C1orf53: variants seen among roughly 807,000 people sequenced by gnomAD.
The protein encoded by C1orf53 is chromosome 1 open reading frame 53.
A neutral mutation model predicts 17.5 loss-of-function variants in C1orf53; 23 were observed. The observed-to-expected ratio is 1.31, with a 90% confidence interval of 0.94 to 1.86. The LOEUF is 1.86. Ranked by LOEUF, C1orf53 falls within the 40% of genes most tolerant of loss-of-function variation. C1orf53 has a pLI of 0.00. For missense variants in C1orf53, 255 were observed against 193.2 expected (o/e 1.32, Z -1.89); for synonymous variants, 108 against 81.9 (o/e 1.32, Z -1.72).
chr1:197,905,355 C>T (rs1207723104), intron 1 of C1orf53, among the ~76,000 whole-genome samples: 6 of 152,096 alleles, frequency 3.9e-5, no homozygotes, highest in Admixed American at 3.9e-4. Flanking sequence ...TTTTGATTAG[C>T]GCCTTTTCTG....
intron 1 of C1orf53, among the ~76,000 whole-genome samples, chr1:197,904,057 T>A (rs1438998819): frequency 6.6e-6 from 1 of 152,240 alleles, no homozygotes; most frequent in Non-Finnish European, 1.5e-5. Context: ...CACATTTGTT[T>A]CATCAGTGTC....
intron 2 of C1orf53, 135 bp downstream of exon 2, chr1:197,906,032 A>G (rs1255826114): frequency 3.0e-6 from 2 of 675,680 alleles, no homozygotes; most frequent in Non-Finnish European, 5.2e-6. Flanking sequence ...TACTTTAGCC[A>G]ACGACAATGA....
rs1262890408 is a variant in C1orf53 at position 197,902,832 on chromosome 1, G to T, written c.183G>T (p.Glu61Asp). Residue 61 changes from glutamate to aspartate, a missense_variant, in exon 1 of 3, where the codon GAG becomes GAT. Coordinates refer to ENST00000367393, the MANE Select transcript of C1orf53 (RefSeq NM_001024594.3). The part of the protein sequence containing the change: ...GSAPSTPGRP[E>D]RAARPSVSEE... ...CGCCCAGCACGCCCGGTAGGCCGGA[G>T]AGAGCGGCGAGGCCTTCGGTGAGCG... 1 of 1,563,432 alleles carries T rather than the reference G, an allele frequency of 6.4e-7. No homozygotes were observed. Among genetic ancestry groups the T allele is most frequent in the Non-Finnish European group, 8.6e-7 (1 of 1,162,356 alleles).
At chr1:197,905,933 C>A in intron 2 of C1orf53, 36 bp downstream of exon 2, 1 of 1,445,734 alleles carries the variant, frequency 6.9e-7, no homozygotes, top group Non-Finnish European at 9.7e-7. Context: ...CAGCAGTTTG[C>A]GGTGCTTCTG....
Position 197,902,876 on chromosome 1 carries a change from A to T in C1orf53, c.227A>T (p.Glu76Val). The change falls in exon 1 of 3, where the codon GAG becomes GTG. Residue 76 changes from glutamate to valine, a missense_variant. By Grantham distance (121) the Glu-to-Val change is moderately radical. Transcript: ENST00000367393. ...PSVSEELTAA[E>V]RQIAELHAAA... ...GTGAGCGAAGAGTTAACCGCGGCGG[A>T]GCGACAGATCGCGGAGCTGCACGCT... The T allele has an allele frequency of 6.6e-7, 1 of 1,514,354 alleles. No homozygotes were observed. Among genetic ancestry groups the T allele is most frequent in the Non-Finnish European group, 8.8e-7 (1 of 1,136,748 alleles). The allele number at this position is 1,514,354 out of a possible 1,614,324, so 93.8% of individuals were successfully genotyped here.
intron 1 of C1orf53, chr1:197,905,590 T>C (rs1659511125): frequency 2.0e-6 from 1 of 504,802 alleles, no homozygotes; most frequent in Non-Finnish European, 3.5e-6. Flanking sequence ...TCTCAAACTG[T>C]ATATTTTCTC....
chr1:197,906,327 C>A lies in C1orf53; in HGVS notation c.366+430C>A, dbSNP rs146296413. Among the ~76,000 whole-genome samples the A allele has an allele frequency of 1.6e-4, 24 of 151,962 alleles. No homozygotes were observed. In the East Asian group the frequency reaches 4.6e-3, roughly 29 times the overall value. On this transcript the variant is annotated intron_variant, in intron 2 of 2. Transcript: ENST00000367393. ...GGTTTCCTTCAGATAATGATTTTTT[C>A]TTTTCTTCTTTCCTTCCTTCCCTCC...
At chr1:197,906,660 T>G (rs1176496221) in intron 2 of C1orf53, among the ~76,000 whole-genome samples, 2 of 152,224 alleles carry the variant, frequency 1.3e-5, no homozygotes, top group Non-Finnish European at 2.9e-5. Context: ...TAAATTGTTA[T>G]AGGGTCAAGA....
intron 1 of C1orf53, 38 bp downstream of exon 1, chr1:197,902,951 C>A (rs1011575632): frequency 1.5e-4 from 198 of 1,335,960 alleles, no homozygotes; most frequent in African/African-American, 9.2e-4. Context: ...CCGCCGCGGC[C>A]GCCCCGGGCT....
In C1orf53 at chr1:197,902,667, C is replaced by T; in HGVS notation, c.18C>T (p.Ile6=). The T allele has an allele frequency of 6.8e-7, 1 of 1,477,386 alleles. No individual in the cohort carries two copies. The highest frequency in any genetic ancestry group is 8.9e-7 in the Non-Finnish European group (1 of 1,120,350). The allele number at this position is 1,477,386 out of a possible 1,614,324, so 91.5% of individuals were successfully genotyped here. MAARQ[I]WARTGAALCR... is the part of the protein sequence containing the mutation. ...GCGGCGGCATGGCGGCCAGGCAGAT[C>T]TGGGCACGGACGGGTGCCGCGCTCT... Residue 6 remains isoleucine, a synonymous_variant, in exon 1 of 3, where the codon ATC becomes ATT. Coordinates refer to ENST00000367393, the MANE Select transcript of C1orf53 (RefSeq NM_001024594.3).
In C1orf53 at chr1:197,905,808, A is replaced by C. The variant is rs1483708440; in HGVS notation, c.277A>C (p.Asn93His). ...TATTGCACTTCAGGCTGGCCAGCTAAACTATGTGGATCCAGCTACTGGCTA... is the reference window on the plus strand; with the variant it reads ...TATTGCACTTCAGGCTGGCCAGCTACACTATGTGGATCCAGCTACTGGCTA... Reference protein sequence around the residue: ...HAAACAAGQLNYVDPATGYVV... With the variant: ...HAAACAAGQLHYVDPATGYVV... The change falls in exon 2 of 3, where the codon AAC becomes CAC. Residue 93 changes from asparagine (N) to histidine (H), a missense_variant. Physicochemically the swap from Asn to His is moderately conservative, Grantham distance 68. Transcript: ENST00000367393. 6.2e-7 allele frequency: 1 copy of C among 1,612,982 alleles called. No individual in the cohort carries two copies. Among genetic ancestry groups the C allele is most frequent in the Admixed American group, 1.7e-5 (1 of 59,904 alleles).
In C1orf53 at chr1:197,902,792, A is replaced by G; in HGVS notation, c.143A>G (p.Asn48Ser). The G allele has an allele frequency of 6.3e-7, 1 of 1,581,074 alleles. No individual in the cohort carries two copies. Among genetic ancestry groups the G allele is most frequent in the Admixed American group, 1.7e-5 (1 of 57,328 alleles). Residue 48 changes from asparagine to serine, a missense_variant, in exon 1 of 3, where the codon AAC (asparagine) becomes AGC (serine). Asn to Ser is a conservative substitution (Grantham distance 46). Coordinates refer to ENST00000367393, the MANE Select transcript of C1orf53 (RefSeq NM_001024594.3). ...SLTLCPANEG[N>S]CGGSAPSTPG... ...ACCCTCTGCCCTGCTAACGAGGGAAACTGCGGCGGCTCCGCGCCCAGCACG... is the reference window on the plus strand; with the variant it reads ...ACCCTCTGCCCTGCTAACGAGGGAAGCTGCGGCGGCTCCGCGCCCAGCACG...
intron 1 of C1orf53, 100 bp downstream of exon 1, chr1:197,903,013 A>G (rs942379141): frequency 1.8e-6 from 2 of 1,142,632 alleles, no homozygotes; most frequent in African/African-American, 3.3e-5. Context: ...CGCCCGGCAG[A>G]GGCAAAGGTT....
rs1176068285 is a variant in C1orf53 at position 197,902,855 on chromosome 1, G to C, written c.206G>C (p.Ser69Thr). 1 of 1,542,280 alleles carries C rather than the reference G, an allele frequency of 6.5e-7. No homozygotes were observed. The highest frequency in any genetic ancestry group is 8.7e-7 in the Non-Finnish European group (1 of 1,151,122). ...RPERAARPSV[S>T]EELTAAERQI... The stretch of plus-strand genomic sequence containing the variant: ...GAGAGAGCGGCGAGGCCTTCGGTGA[G>C]CGAAGAGTTAACCGCGGCGGAGCGA... The change falls in exon 1 of 3, where the codon AGC becomes ACC. Residue 69 changes from serine to threonine, a missense_variant. Transcript: ENST00000367393.
Position 197,907,305 on chromosome 1 carries a change from T to C in C1orf53, c.*85T>C, listed in dbSNP as rs1659536120. On this transcript the variant is annotated 3_prime_UTR_variant, in exon 3 of 3. Transcript: ENST00000367393. ...TTCAGAATTGCTGGATTATTAGTAC[T>C]TGAACACTAGTTTAATCCTAAATAC... 1.5e-6 allele frequency: 1 copy of C among 674,718 alleles called. No individual in the cohort carries two copies. The highest frequency in any genetic ancestry group is 3.1e-5 in the Admixed American group (1 of 31,936). The allele number at this position is 674,718 out of a possible 1,614,324, so 41.8% of individuals were successfully genotyped here.
chr1:197,902,752 C>T lies in C1orf53; in HGVS notation c.103C>T (p.Gln35Ter). Residue 35 changes from glutamine to a stop codon, truncating the protein, a stop_gained, in exon 1 of 3, where the codon CAG becomes TAG. Transcript: ENST00000367393. LOFTEE classifies it high-confidence loss of function. ...APLWVRAGFR[Q>*]QLSLTLCPAN... ...TCTCTGGGTAAGAGCTGGGTTCCGA[C>T]AGCAGCTCAGCTTAACCCTCTGCCC... is the stretch of plus-strand genomic sequence containing the variant. 6.4e-7 allele frequency: 1 copy of T among 1,573,232 alleles called. No individual in the cohort carries two copies.
chr1:197,906,139 A>G (rs747046238), intron 2 of C1orf53, among the ~76,000 whole-genome samples: 1 of 152,148 alleles, frequency 6.6e-6, no homozygotes, highest in African/African-American at 2.4e-5. Flanking sequence ...TTTGAAATTC[A>G]TGGGAGCTCT....
At position 197,905,874 on chromosome 1, in the gene C1orf53, T is replaced by A. The variant is rs186521541; in HGVS notation, c.343T>A (p.Cys115Ser). The change falls in exon 2 of 3, where the codon TGT becomes AGT. Residue 115 changes from cysteine to serine, a missense_variant. Coordinates refer to ENST00000367393, the MANE Select transcript of C1orf53 (RefSeq NM_001024594.3). The part of the protein sequence containing the change: ...TQIAHLQRGE[C>S]CGSACRHCPY... ...GATTGCCCACTTGCAAAGAGGTGAA[T>A]GTTGTGGCTCTGCGTGCAGACATGT... 6.2e-7 allele frequency: 1 copy of A among 1,613,846 alleles called. No homozygotes were observed. The highest frequency in any genetic ancestry group is 2.2e-5 in the East Asian group (1 of 44,880).
At chr1:197,906,493 G>T (rs1659526180) in intron 2 of C1orf53, among the ~76,000 whole-genome samples, 1 of 147,820 alleles carries the variant, frequency 6.8e-6, no homozygotes, top group African/African-American at 2.5e-5. Context: ...AGATTATACT[G>T]CATGTAGTGC....
Sources: gnomAD v4.1 joint callset for allele counts (sites outside exome capture counted in the v4.1 genomes callset) on GRCh38, gnomAD v4.1.1 for gene constraint, MANE v1.5 for transcripts, NCBI Gene and HGNC (gene_info 2026-07-23, HGNC 2026-07-21) for gene names.